The following TDRD5 variants were observed in gnomAD, a reference collection of about 807,000 sequenced individuals.
The protein encoded by TDRD5 is tudor domain-containing protein 5.
TDRD5 carries 41 observed loss-of-function variants against 120.6 expected under a neutral mutation model. That is an observed-to-expected ratio of 0.34 (90% CI 0.26 to 0.44). The LOEUF is 0.44. TDRD5 is among the 20% of genes least tolerant of loss of function. The probability of loss-of-function intolerance (pLI) is 1.00; values close to 1 mark genes in which losing one functional copy is unlikely to be tolerated. For missense variants in TDRD5, 1,006 were observed against 1,221.2 expected (o/e 0.82, Z 2.63); for synonymous variants, 430 against 433.7 (o/e 0.99, Z 0.11).
At chr1:179,615,321 A>G (rs1162568683) in intron 4 of TDRD5, among the ~76,000 whole-genome samples, 2 of 152,106 alleles carry the variant, frequency 1.3e-5, no homozygotes, top group South Asian at 2.1e-4. Context: ...TTAAAATTTT[A>G]TAATTTGATG....
At chr1:179,635,138 A>G (rs1262013914) in intron 8 of TDRD5, among the ~76,000 whole-genome samples, 1 of 151,850 alleles carries the variant, frequency 6.6e-6, no homozygotes, top group Admixed American at 6.6e-5. Flanking sequence ...GGCTTCTTTC[A>G]TGGAAGGAAA....
At chr1:179,605,800 C>T (rs1675943683) in intron 4 of TDRD5, among the ~76,000 whole-genome samples, 1 of 152,120 alleles carries the variant, frequency 6.6e-6, no homozygotes, top group Non-Finnish European at 1.5e-5. Context: ...CTTTATAATG[C>T]ATTTCTTCTT....
rs1229046181 is a variant in TDRD5, at chr1:179,639,954, A to G, written c.1636A>G (p.Ile546Val). The G allele has an allele frequency of 3.1e-6, 5 of 1,614,042 alleles. No individual in the cohort carries two copies. The highest frequency in any genetic ancestry group is 4.2e-6 in the Non-Finnish European group (5 of 1,180,026). The part of the protein sequence containing the change: ...ISEDKWWYRV[I>V]IHRVLEKQEV... ...TGAGGATAAGTGGTGGTATCGGGTC[A>G]TTATCCATCGAGTCCTTGAGAAACA... The change falls in exon 10 of 18, where the codon ATT becomes GTT. Residue 546 changes from isoleucine (I) to valine (V), a missense_variant. This residue lies in a region of TDRD5 where 158 missense variants were observed against 257.5 expected (regional missense o/e 0.61). Transcript: ENST00000444136.
At chr1:179,642,354 C>T (rs1290891921) in intron 11 of TDRD5, among the ~76,000 whole-genome samples, 1 of 152,174 alleles carries the variant, frequency 6.6e-6, no homozygotes, top group Non-Finnish European at 1.5e-5. Context: ...CCCACCTCGG[C>T]CTCCCAAAGT....
chr1:179,611,591 C>CAA (rs201375320), intron 4 of TDRD5, among the ~76,000 whole-genome samples: 1 of 151,544 alleles, frequency 6.6e-6, no homozygotes, highest in African/African-American at 2.4e-5. Context: ...CTAAAAGTTC[C>CAA]AAAAAAAATT....
intron 17 of TDRD5, among the ~76,000 whole-genome samples, chr1:179,671,736 AC>A (rs1679865089): frequency 6.6e-6 from 1 of 151,474 alleles, no homozygotes; most frequent in African/African-American, 2.4e-5. Context: ...ATCCCTCGAA[AC>A]CCCCCACCCT....
intron 11 of TDRD5, among the ~76,000 whole-genome samples, chr1:179,646,642 T>G (rs1323298623): frequency 3.3e-5 from 5 of 151,632 alleles, no homozygotes; most frequent in African/African-American, 1.2e-4. Context: ...GGTATTCAAT[T>G]AGGAAAAGAG....
intron 6 of TDRD5, among the ~76,000 whole-genome samples, chr1:179,621,363 A>G (rs1484253464): frequency 6.6e-6 from 1 of 152,126 alleles, no homozygotes; most frequent in Non-Finnish European, 1.5e-5. Flanking sequence ...ACCAAGTGTC[A>G]GTGGGAATGC....
Position 179,630,910 on chromosome 1 carries a change from T to C in TDRD5, c.1116T>C (p.Pro372=). Residue 372 remains proline (P), a synonymous_variant, in exon 7 of 18, where the codon CCT becomes CCC. Coordinates refer to ENST00000444136, the MANE Select transcript of TDRD5 (RefSeq NM_001199085.3). ...DLLVFDADKK[P]LPPVQSDKKI... ...TAGTGTTTGATGCGGATAAGAAGCC[T>C]CTACCACCTGGTGAGTGGAACCACA... 6.2e-7 allele frequency: 1 copy of C among 1,612,650 alleles called. No homozygotes were observed. Among genetic ancestry groups the C allele is most frequent in the Non-Finnish European group, 8.5e-7 (1 of 1,179,392 alleles).
At chr1:179,622,128 G>A (rs1645033860) in intron 6 of TDRD5, among the ~76,000 whole-genome samples, 1 of 152,184 alleles carries the variant, frequency 6.6e-6, no homozygotes, top group Non-Finnish European at 1.5e-5. Flanking sequence ...AAGGCACTTA[G>A]AACAGTGCCT....
chr1:179,687,891 T>A (rs529214935), intron 17 of TDRD5, among the ~76,000 whole-genome samples: 53 of 151,760 alleles, frequency 3.5e-4, no homozygotes, highest in Non-Finnish European at 6.6e-4. Context: ...TTTTTCCATT[T>A]GCTTGGTAGT....
rs147568109 is a variant in TDRD5 at position 179,635,864 on chromosome 1, C to G, written c.1497C>G (p.Leu499=). 103 of 1,613,468 alleles carry G rather than the reference C, an allele frequency of 6.4e-5. No individual in the cohort carries two copies. In the Middle Eastern group the frequency reaches 6.6e-4, roughly 10 times the overall value. The change falls in exon 9 of 18, where the codon CTC becomes CTG. Residue 499 remains leucine, a synonymous_variant. Coordinates refer to ENST00000444136, the MANE Select transcript of TDRD5 (RefSeq NM_001199085.3). The part of the protein sequence containing the change: ...RIYSRDSSEL[L]EDMMIEMRRC... ...ATAGCAGGGATTCGTCAGAGTTACT[C>G]GAAGACATGATGATTGAAATGCGGT...
At chr1:179,634,690 G>A (rs183183806) in intron 8 of TDRD5, 61 bp downstream of exon 8, 4 of 1,495,526 alleles carry the variant, frequency 2.7e-6, no homozygotes, top group South Asian at 1.5e-5. Flanking sequence ...AAATGAATGT[G>A]TGTTTCTTTA....
chr1:179,639,772 C>T lies in TDRD5; in HGVS notation c.1521-67C>T, dbSNP rs530661909. ...TTTGCCAAGACTTTCTGGCTTGATA[C>T]ATTGATAAAAATTATCTTTAATTTT... is the stretch of plus-strand genomic sequence containing the variant. On this transcript the variant is annotated intron_variant, in intron 9 of 17. Transcript: ENST00000444136. 6 of 1,531,730 alleles carry T rather than the reference C, an allele frequency of 3.9e-6. No individual in the cohort carries two copies. The Admixed American group carries it at 5.9e-5, about 15-fold the overall frequency. 94.9% of individuals were successfully genotyped at this position (1,531,730 alleles called of 1,614,324 possible). A position where few individuals can be genotyped will look rare whatever the true frequency, so the allele number is the denominator to read the frequency against.
At chr1:179,596,457 A>C (rs12125696) in intron 4 of TDRD5, among the ~76,000 whole-genome samples, 33,955 of 152,120 alleles carry the variant, frequency 0.22, 4,357 homozygotes, top group East Asian at 0.34. Context: ...CATCATCCCC[A>C]AAAAAGCTCC....
chr1:179,615,916 A>T (rs6689399), intron 4 of TDRD5, among the ~76,000 whole-genome samples: 1 of 152,012 alleles, frequency 6.6e-6, no homozygotes, highest in Non-Finnish European at 1.5e-5. Flanking sequence ...CAGGCTAAAT[A>T]TTCTCTGCTT....
intron 4 of TDRD5, among the ~76,000 whole-genome samples, chr1:179,613,394 A>G (rs1389911645): frequency 6.6e-6 from 1 of 152,216 alleles, no homozygotes; most frequent in Non-Finnish European, 1.5e-5. Context: ...TAGTATGGCA[A>G]ATCAAATTCC....
At chr1:179,594,851 A>C (rs1052066770) in intron 3 of TDRD5, among the ~76,000 whole-genome samples, 14 of 152,352 alleles carry the variant, frequency 9.2e-5, no homozygotes, top group South Asian at 4.1e-4. Context: ...CTTTATCAGT[A>C]TTCTTGAAGT....
At chr1:179,608,250 CTTG>C (rs1009270992) in intron 4 of TDRD5, among the ~76,000 whole-genome samples, 6 of 150,204 alleles carry the variant, frequency 4.0e-5, no homozygotes, top group East Asian at 3.9e-4. Context: ...TGTAGTATCC[CTTG>C]TTGTACTTTT....
Sources: allele counts gnomAD v4.1 joint callset (sites outside exome capture counted in the v4.1 genomes callset), GRCh38; gene constraint gnomAD v4.1.1; regional missense constraint gnomAD v4.1.1; transcripts MANE v1.5; gene names NCBI Gene and HGNC (gene_info 2026-07-23, HGNC 2026-07-21).